The following RC3H1 variants were observed in gnomAD, a reference collection of about 807,000 sequenced individuals.
RC3H1 encodes ring finger and CCCH-type domains 1, also known as roquin-1.
In RC3H1, 50 loss-of-function variants were observed where a neutral mutation model predicts 138.2. The observed-to-expected ratio is 0.36, with a 90% CI of 0.29 to 0.46. RC3H1 has a LOEUF of 0.46. Among genes scored for constraint, RC3H1 ranks in the 20% least tolerant of loss-of-function variants. The pLI, the probability that RC3H1 is intolerant of heterozygous loss-of-function variation, is 1.00. For missense variants in RC3H1, 1,031 were observed against 1,388.1 expected, an observed-to-expected ratio of 0.74 and a Z score of 4.09; for synonymous variants, 462 against 489.1, an observed-to-expected ratio of 0.94 and a Z score of 0.73.
rs1434258616 is a variant in RC3H1, at chr1:173,961,888, G to C, written c.2039C>G (p.Ser680Cys). ...YDGRRVYPAP[S>C]YTREEIFRES... ...TCGGAATATCTCTTCTCTTGTGTAA[G>C]ACGGAGCAGGGTACACTCGACGGCC... The change falls in exon 12 of 20, where the codon TCT (serine) becomes TGT (cysteine). Residue 680 changes from serine (S) to cysteine (C), a missense_variant. Around this residue, in one of 7 missense-constraint regions of RC3H1, gnomAD observed 716 missense variants for 837.9 expected, o/e 0.85. Transcript: ENST00000367696. 2.5e-6 allele frequency: 4 copies of C among 1,614,156 alleles called. No individual in the cohort carries two copies. In the African/African-American group the frequency reaches 5.3e-5, roughly 22 times the overall value.
intron 2 of RC3H1, 132 bp from the exon 3 acceptor site, chr1:173,984,751 A>G: frequency 1.1e-6 from 1 of 884,232 alleles, no homozygotes; most frequent in Non-Finnish European, 1.7e-6. Context: ...TTCTTTCAAA[A>G]GATCTTTCCT....
chr1:173,999,113 G>C (rs867357823), intron 1 of RC3H1, among the ~76,000 whole-genome samples: 2 of 151,758 alleles, frequency 1.3e-5, no homozygotes, highest in African/African-American at 2.4e-5. Flanking sequence ...AAACTGTTGG[G>C]CGTGGTGGCT....
chr1:174,016,524 G>A (rs1310997744), intron 1 of RC3H1, among the ~76,000 whole-genome samples: 1 of 147,116 alleles, frequency 6.8e-6, no homozygotes, highest in Non-Finnish European at 1.5e-5. Context: ...CTCCTAAAGT[G>A]CTAGGATTAC....
intron 11 of RC3H1, among the ~76,000 whole-genome samples, 175 bp downstream of exon 11, chr1:173,963,798 A>T (rs1439445039): frequency 1.3e-5 from 2 of 152,024 alleles, no homozygotes; most frequent in East Asian, 3.8e-4. Context: ...ACTTTGTTTC[A>T]TTTATTTCAT....
Position 173,934,364 on chromosome 1 carries a change from T to A in RC3H1, c.*4357A>T, listed in dbSNP as rs958062789. On this transcript the variant is annotated 3_prime_UTR_variant, in exon 20 of 20. Coordinates refer to ENST00000367696, the MANE Select transcript of RC3H1 (RefSeq NM_172071.4). Reference sequence around the variant, plus strand: ...AAGCTGGGGTGGGCACAAATGCTTATACACAATATTACAAAAGACGACATT... The same window carrying A: ...AAGCTGGGGTGGGCACAAATGCTTAAACACAATATTACAAAAGACGACATT... 1 of 152,196 alleles carries A rather than the reference T, an allele frequency of 6.6e-6. No individual in the cohort carries two copies. Among genetic ancestry groups the A allele is most frequent in the Non-Finnish European group, 1.5e-5 (1 of 68,028 alleles). The allele number at this position is 152,196 out of a possible 1,614,324, so 9.4% of individuals were successfully genotyped here.
intron 1 of RC3H1, among the ~76,000 whole-genome samples, chr1:173,998,989 G>A (rs911699932): frequency 2.0e-5 from 3 of 152,040 alleles, no homozygotes; most frequent in African/African-American, 4.8e-5. Context: ...AGCTACTCAG[G>A]AGGCTGAGGT....
At chr1:173,942,749 G>A (rs1376545187) in intron 18 of RC3H1, among the ~76,000 whole-genome samples, 1 of 151,682 alleles carries the variant, frequency 6.6e-6, no homozygotes, top group African/African-American at 2.4e-5. Context: ...AGAATGGCGT[G>A]AACCCGGGAG....
At chr1:174,001,146 A>C (rs1168444757) in intron 1 of RC3H1, among the ~76,000 whole-genome samples, 1 of 152,214 alleles carries the variant, frequency 6.6e-6, no homozygotes, top group African/African-American at 2.4e-5. Context: ...GGGTTAATTC[A>C]GGTTGCTTAC....
chr1:173,981,212 C>T (rs1660803414), intron 5 of RC3H1, among the ~76,000 whole-genome samples: 1 of 152,072 alleles, frequency 6.6e-6, no homozygotes, highest in Admixed American at 6.6e-5. Context: ...GGATTTAGGC[C>T]AACATTTTCT....
At chr1:174,017,800 A>C (rs1443549645) in intron 1 of RC3H1, among the ~76,000 whole-genome samples, 2 of 150,066 alleles carry the variant, frequency 1.3e-5, no homozygotes, top group Non-Finnish European at 3.0e-5. Context: ...AAAAAAAAAA[A>C]AAAAAAAAAA....
At chr1:174,009,327 T>C (rs1050961290) in intron 1 of RC3H1, 3 of 152,194 alleles carry the variant, frequency 2.0e-5, no homozygotes, top group East Asian at 3.8e-4. Context: ...GGCATTAATA[T>C]ATGAATTCCT....
chr1:174,014,722 C>T (rs537338006), intron 1 of RC3H1, among the ~76,000 whole-genome samples: 76 of 152,152 alleles, frequency 5.0e-4, no homozygotes, highest in African/African-American at 1.8e-3. Flanking sequence ...TTCCAAACAA[C>T]CTTTAGATAA....
Position 173,984,614 on chromosome 1 carries a change from A to G in RC3H1, c.237T>C (p.Pro79=). ...ALLQLVGAQV[P]EQQPITLCSG... ...TACACAAAGTAATAGGCTGCTGCTC[A>G]GGGACCTGGAGGCCAAAAGAAAAGA... The change falls in exon 3 of 20, where the codon CCT becomes CCC. Residue 79 remains proline (P), a synonymous_variant. Transcript: ENST00000367696. 6.2e-7 allele frequency: 1 copy of G among 1,610,816 alleles called. No homozygotes were observed. Among genetic ancestry groups the G allele is most frequent in the Non-Finnish European group, 8.5e-7 (1 of 1,179,148 alleles).
chr1:173,997,812 T>C (rs761198157), intron 1 of RC3H1, among the ~76,000 whole-genome samples: 1 of 152,188 alleles, frequency 6.6e-6, no homozygotes, highest in Non-Finnish European at 1.5e-5. Context: ...TAGATGACCC[T>C]ATTTCAGGAC....
chr1:174,003,239 T>C (rs1661592084), intron 1 of RC3H1, among the ~76,000 whole-genome samples: 2 of 151,920 alleles, frequency 1.3e-5, no homozygotes, highest in South Asian at 2.1e-4. Context: ...ATGCAAAAAT[T>C]AGCCAGACAT....
chr1:173,948,979 C>T (rs1659259400), intron 14 of RC3H1, among the ~76,000 whole-genome samples: 1 of 151,976 alleles, frequency 6.6e-6, no homozygotes, highest in African/African-American at 2.4e-5. Flanking sequence ...CTTTTGAAAG[C>T]CAAGTACAAG....
At chr1:173,977,602 T>C (rs1660641796) in intron 7 of RC3H1, among the ~76,000 whole-genome samples, 1 of 152,182 alleles carries the variant, frequency 6.6e-6, no homozygotes, top group Non-Finnish European at 1.5e-5. Flanking sequence ...TCTGGAGTGA[T>C]GCAGAGATAA....
intron 1 of RC3H1, among the ~76,000 whole-genome samples, chr1:174,004,314 A>G (rs1661614539): frequency 6.6e-6 from 1 of 151,704 alleles, no homozygotes; most frequent in Admixed American, 6.6e-5. Flanking sequence ...GAGATCTCAC[A>G]ATGTTGCCCA....
At chr1:173,948,486 C>T (rs1557921680) in intron 14 of RC3H1, among the ~76,000 whole-genome samples, 1 of 151,828 alleles carries the variant, frequency 6.6e-6, no homozygotes, top group African/African-American at 2.4e-5. Context: ...TAATGTTACA[C>T]ATATATATAG....
Sources: gnomAD v4.1 joint callset for allele counts (sites outside exome capture counted in the v4.1 genomes callset) on GRCh38, gnomAD v4.1.1 for gene constraint, gnomAD v4.1.1 regional missense constraint, MANE v1.5 for transcripts, NCBI Gene and HGNC (gene_info 2026-07-23, HGNC 2026-07-21) for gene names.